Variants in SNTG2 observed in about 807,000 individuals in gnomAD.
SNTG2 encodes the protein gamma-2-syntrophin.
In SNTG2, 74 loss-of-function variants were observed where a neutral mutation model predicts 70.9. The observed-to-expected ratio is 1.04, with a 90% CI of 0.86 to 1.27. The LOEUF (loss-of-function observed/expected upper bound fraction) is 1.27, where lower values mean the gene tolerates loss of function less well. Among genes scored for constraint, SNTG2 ranks in the 50% most tolerant of loss-of-function variants. The probability of loss-of-function intolerance (pLI) is 0.00; values close to 1 mark genes in which losing one functional copy is unlikely to be tolerated. For synonymous variants in SNTG2, 278 were observed against 273.8 expected (o/e 1.02, Z -0.15); for missense variants, 717 against 690.7 (o/e 1.04, Z -0.43).
intron 6 of SNTG2, among the ~76,000 whole-genome samples, chr2:1,157,359 C>T (rs935362901): frequency 5.3e-5 from 8 of 152,272 alleles, no homozygotes; most frequent in South Asian, 2.1e-4. Flanking sequence ...GAATGCACCC[C>T]GGCACCGCGG....
At chr2:1,351,043 G>A (rs969034865) in intron 16 of SNTG2, among the ~76,000 whole-genome samples, 4 of 151,780 alleles carry the variant, frequency 2.6e-5, no homozygotes, top group South Asian at 4.2e-4. Context: ...TTGTTCGGCC[G>A]ATAAGTGTAG....
intron 4 of SNTG2, among the ~76,000 whole-genome samples, chr2:1,132,487 G>C (rs1668089877): frequency 6.6e-6 from 1 of 152,148 alleles, no homozygotes; most frequent in African/African-American, 2.4e-5. Flanking sequence ...ATTCTCTCTT[G>C]ATGTAGGCAA....
intron 1 of SNTG2, among the ~76,000 whole-genome samples, chr2:1,049,390 T>C (rs1661925882): frequency 1.3e-5 from 2 of 152,174 alleles, no homozygotes; most frequent in African/African-American, 4.8e-5. Flanking sequence ...CTTTTCCAGG[T>C]CAGATAGTTG....
intron 8 of SNTG2, among the ~76,000 whole-genome samples, chr2:1,177,600 A>G (rs1671569256): frequency 6.6e-6 from 1 of 152,144 alleles, no homozygotes; most frequent in African/African-American, 2.4e-5. Context: ...AAATGAAATG[A>G]CACCTTTGAA....
intron 6 of SNTG2, 136 bp downstream of exon 6, chr2:1,137,945 A>G: frequency 2.2e-6 from 2 of 913,548 alleles, no homozygotes. Flanking sequence ...AGGTTTAGTA[A>G]ATCATGTTAC....
intron 8 of SNTG2, among the ~76,000 whole-genome samples, chr2:1,175,319 C>G (rs1671400729): frequency 6.6e-6 from 1 of 152,182 alleles, no homozygotes; most frequent in African/African-American, 2.4e-5. Context: ...GGCAATATCA[C>G]ACTATGTAAT....
chr2:1,267,338 G>T (rs28626835), intron 13 of SNTG2, 27 bp from the exon 14 acceptor site: 226,687 of 1,566,936 alleles, frequency 0.14, 19,092 homozygotes, highest in East Asian at 0.32. Context: ...AGCGCTGCAC[G>T]TTTCCAATCC....
chr2:1,314,993 GA>G (rs1483676722), intron 15 of SNTG2, among the ~76,000 whole-genome samples: 10 of 152,186 alleles, frequency 6.6e-5, no homozygotes, highest in African/African-American at 2.4e-4. Flanking sequence ...TTTGGGTGGG[GA>G]CACAGCTAAA....
chr2:1,281,320 G>A (rs1408187396), intron 14 of SNTG2, among the ~76,000 whole-genome samples: 10 of 73,746 alleles, frequency 1.4e-4, no homozygotes, highest in Middle Eastern at 0.012. Flanking sequence ...GTGTGTGTTT[G>A]TGTGGTGTGT....
chr2:1,255,861 TAA>T (rs1491411209), intron 12 of SNTG2, among the ~76,000 whole-genome samples: 1 of 35,040 alleles, frequency 2.9e-5, no homozygotes, highest in Non-Finnish European at 4.7e-5. Flanking sequence ...TAAATATATA[TAA>T]ATATATATAA....
chr2:1,097,831 C>T lies in SNTG2; in HGVS notation c.211-365C>T, dbSNP rs559691459. Among the ~76,000 whole-genome samples the T allele has an allele frequency of 1.3e-4, 19 of 151,940 alleles. No individual in the cohort carries two copies. Among genetic ancestry groups the T allele is most frequent in the South Asian group, 4.2e-4 (2 of 4,806 alleles). ...TGGTGGGTAGAGAGCGGTTCTAAAA[C>T]AGGACTGAGTGCTCCGCCCCACTTC... is the stretch of plus-strand genomic sequence containing the variant. On this transcript the variant is annotated intron_variant, in intron 2 of 16. Coordinates refer to ENST00000308624, the MANE Select transcript of SNTG2 (RefSeq NM_018968.4). This position sits in a 1 kb window ranked among gnomAD's most constrained non-coding sequence, Gnocchi z 4.1.
intron 16 of SNTG2, among the ~76,000 whole-genome samples, chr2:1,325,452 G>C (rs1280415950): frequency 3.3e-5 from 5 of 152,202 alleles, no homozygotes; most frequent in Non-Finnish European, 7.4e-5. Context: ...TTTCAGTCCA[G>C]TATCAGTTCA....
intron 16 of SNTG2, among the ~76,000 whole-genome samples, chr2:1,336,830 CT>C (rs1659842312): frequency 7.2e-6 from 1 of 138,540 alleles, no homozygotes; most frequent in Non-Finnish European, 1.7e-5. Flanking sequence ...TGTTTTAGCA[CT>C]AGTACCATGC....
chr2:1,198,722 A>T (rs1042458579), intron 8 of SNTG2, among the ~76,000 whole-genome samples: 1 of 152,164 alleles, frequency 6.6e-6, no homozygotes, highest in African/African-American at 2.4e-5. Flanking sequence ...GAAATTCCAA[A>T]GATATACAAA....
chr2:1,218,566 G>A (rs1674549638), intron 9 of SNTG2, among the ~76,000 whole-genome samples: 1 of 152,246 alleles, frequency 6.6e-6, no homozygotes, highest in Non-Finnish European at 1.5e-5. Flanking sequence ...TAGCATGTGT[G>A]TTTCAGAAAA....
intron 1 of SNTG2, among the ~76,000 whole-genome samples, chr2:999,292 A>G (rs1661790000): frequency 6.6e-6 from 1 of 152,136 alleles, no homozygotes; most frequent in Non-Finnish European, 1.5e-5. Flanking sequence ...ACATATCAAT[A>G]TTAACTTTGA....
chr2:1,207,767 A>T (rs1484049293), intron 8 of SNTG2, among the ~76,000 whole-genome samples: 1 of 152,092 alleles, frequency 6.6e-6, no homozygotes, highest in East Asian at 1.9e-4. Flanking sequence ...CTCACCGCAA[A>T]CCAACCAGAG....
chr2:1,257,842 G>A (rs1456280974), intron 12 of SNTG2, among the ~76,000 whole-genome samples: 1 of 152,202 alleles, frequency 6.6e-6, no homozygotes, highest in African/African-American at 2.4e-5. Flanking sequence ...ATGGGAAAAT[G>A]CTGATATTAC....
chr2:1,306,696 G>C (rs1680689304), intron 14 of SNTG2, among the ~76,000 whole-genome samples: 1 of 151,830 alleles, frequency 6.6e-6, no homozygotes, highest in South Asian at 2.1e-4. Flanking sequence ...GTGTGTGTGT[G>C]TGTGTGTGTG....
Sources: gnomAD v4.1 joint callset for allele counts (sites outside exome capture counted in the v4.1 genomes callset) on GRCh38, gnomAD v4.1.1 for gene constraint, Gnocchi (gnomAD v3.1) non-coding constraint, MANE v1.5 for transcripts, NCBI Gene and HGNC (gene_info 2026-07-23, HGNC 2026-07-21) for gene names.